The following G3BP2 variants were observed in gnomAD, a reference collection of about 807,000 sequenced individuals.
The protein encoded by G3BP2 is ras GTPase-activating protein-binding protein 2.
Under a neutral mutation model 56.7 loss-of-function variants are expected in G3BP2, and 11 were observed. The observed-to-expected ratio is 0.19, with a 90% confidence interval of 0.12 to 0.32. The LOEUF (loss-of-function observed/expected upper bound fraction) is 0.32, where lower values mean the gene tolerates loss of function less well. Among genes scored for constraint, G3BP2 ranks in the 10% least tolerant of loss-of-function variants. The pLI is 1.00. For missense variants in G3BP2, 340 were observed against 610.9 expected (o/e 0.56, Z 4.67); for synonymous variants, 165 against 191.6 (o/e 0.86, Z 1.15).
intron 3 of G3BP2, among the ~76,000 whole-genome samples, chr4:75,693,867 G>A (rs1296636033): frequency 1.3e-5 from 2 of 149,438 alleles, no homozygotes; most frequent in Non-Finnish European, 3.0e-5. Flanking sequence ...CCCAAGTAAC[G>A]AGGCCCACAA....
chr4:75,663,964 C>T (rs1732780493), intron 1 of G3BP2, among the ~76,000 whole-genome samples: 1 of 36,178 alleles, frequency 2.8e-5, no homozygotes. Flanking sequence ...TGGCTCACTG[C>T]AACCTCTGCC....
chr4:75,694,769 C>A (rs1204106419), intron 3 of G3BP2: 17 of 986,568 alleles, frequency 1.7e-5, no homozygotes, highest in Admixed American at 6.1e-5. Flanking sequence ...AACAAACAAA[C>A]AAAAAACCAC....
chr4:75,693,446 T>C (rs1718955410), intron 3 of G3BP2, among the ~76,000 whole-genome samples: 1 of 151,938 alleles, frequency 6.6e-6, no homozygotes, highest in South Asian at 2.1e-4. Flanking sequence ...CTTCACTGTA[T>C]TGACTGGCCA....
intron 8 of G3BP2, among the ~76,000 whole-genome samples, chr4:75,653,602 A>C (rs1460172014): frequency 1.3e-5 from 2 of 150,504 alleles, no homozygotes; most frequent in Non-Finnish European, 3.0e-5. Context: ...AAAAAAAAAA[A>C]AAAACAAAAA....
At chr4:75,657,529 T>C (rs1459773321) in intron 4 of G3BP2, 28 bp downstream of exon 4, 1 of 1,555,386 alleles carries the variant, frequency 6.4e-7, no homozygotes, top group Admixed American at 1.9e-5. Context: ...ACCATATAAA[T>C]GAAAACTAAG....
intron 7 of G3BP2, among the ~76,000 whole-genome samples, chr4:75,654,568 TA>T (rs1731942752): frequency 6.6e-6 from 1 of 152,224 alleles, no homozygotes; most frequent in Non-Finnish European, 1.5e-5. Flanking sequence ...TGAAGAAAGA[TA>T]AAAGAAGTTT....
At chr4:75,655,984 T>A (rs953793000) in intron 5 of G3BP2, 114 bp from the exon 6 acceptor site, 5 of 621,828 alleles carry the variant, frequency 8.0e-6, no homozygotes, top group Non-Finnish European at 1.1e-5. Flanking sequence ...AATTTGACAA[T>A]TTTCTTTCCT....
chr4:75,719,667 T>C (rs1720070327), intron 3 of G3BP2, among the ~76,000 whole-genome samples: 1 of 152,064 alleles, frequency 6.6e-6, no homozygotes, highest in South Asian at 2.1e-4. Context: ...CCTGGCTCAC[T>C]GCAACCTCCG....
At chr4:75,714,285 C>T (rs1719853529) in intron 3 of G3BP2, among the ~76,000 whole-genome samples, 1 of 152,164 alleles carries the variant, frequency 6.6e-6, no homozygotes, top group African/African-American at 2.4e-5. Flanking sequence ...TGACATCATG[C>T]CTACAAATTC....
chr4:75,708,071 G>T (rs903155161), intron 3 of G3BP2, among the ~76,000 whole-genome samples: 2 of 152,148 alleles, frequency 1.3e-5, no homozygotes, highest in Admixed American at 6.5e-5. Context: ...GTTGCCCTCT[G>T]CTAGAGGGAT....
chr4:75,672,737 G>C (rs945960623), intron 1 of G3BP2: 2 of 152,368 alleles, frequency 1.3e-5, no homozygotes, highest in African/African-American at 2.4e-5. Flanking sequence ...GCGGGGTGGC[G>C]ACGGCCTCTC....
chr4:75,699,341 C>T (rs769345601), intron 3 of G3BP2, among the ~76,000 whole-genome samples: 2 of 152,210 alleles, frequency 1.3e-5, no homozygotes, highest in Non-Finnish European at 2.9e-5. Flanking sequence ...CTCTTCTATC[C>T]TTTTTGAACC....
chr4:75,691,941 T>G (rs1718875716), intron 3 of G3BP2, among the ~76,000 whole-genome samples: 1 of 152,212 alleles, frequency 6.6e-6, no homozygotes, highest in Non-Finnish European at 1.5e-5. Context: ...TTTAGTGATT[T>G]TCCCAAAGAA....
chr4:75,714,938 T>C, intron 3 of G3BP2, among the ~76,000 whole-genome samples: 1 of 152,106 alleles, frequency 6.6e-6, no homozygotes, highest in African/African-American at 2.4e-5. Flanking sequence ...ACTGCCTACC[T>C]CCTAATTTAT....
chr4:75,645,135 C>T lies in G3BP2; in HGVS notation c.*295G>A, dbSNP rs1049585941. The T allele has an allele frequency of 9.2e-6, 3 of 327,056 alleles. No individual in the cohort carries two copies. Among genetic ancestry groups the T allele is most frequent in the African/African-American group, 6.5e-5 (3 of 46,444 alleles). The allele number at this position is 327,056 out of a possible 1,614,324, so 20.3% of individuals were successfully genotyped here. A position where few individuals can be genotyped will look rare whatever the true frequency, so the allele number is the denominator to read the frequency against. On this transcript the variant is annotated 3_prime_UTR_variant, in exon 12 of 12. Coordinates refer to ENST00000359707, the MANE Select transcript of G3BP2 (RefSeq NM_203505.3). ...GAAGATTTTTTTTTTACTCAAAGGA[C>T]CTGAATTCAGTGGGCATGTCCTTTT...
intron 3 of G3BP2, among the ~76,000 whole-genome samples, chr4:75,688,070 G>A (rs764360717): frequency 6.6e-6 from 1 of 152,142 alleles, no homozygotes; most frequent in Non-Finnish European, 1.5e-5. Flanking sequence ...TACTGCCACT[G>A]GACTCTCTCC....
chr4:75,689,867 C>T (rs1718777749), intron 3 of G3BP2, among the ~76,000 whole-genome samples: 1 of 152,080 alleles, frequency 6.6e-6, no homozygotes, highest in South Asian at 2.1e-4. Context: ...ATATATTTTA[C>T]AAGTATATGG....
upstream of G3BP2, among the ~76,000 whole-genome samples, chr4:75,677,917 C>A (rs751140633): frequency 6.6e-6 from 1 of 152,168 alleles, no homozygotes; most frequent in Non-Finnish European, 1.5e-5. Context: ...GAGGGCCTCA[C>A]CTTCATGAAT....
At chr4:75,687,659 A>G (rs777367686) in intron 3 of G3BP2, among the ~76,000 whole-genome samples, 1 of 152,248 alleles carries the variant, frequency 6.6e-6, no homozygotes, top group Non-Finnish European at 1.5e-5. Context: ...AGGGCTAAAC[A>G]TCATTGCTAA....
Sources: allele counts gnomAD v4.1 joint callset (sites outside exome capture counted in the v4.1 genomes callset), GRCh38; gene constraint gnomAD v4.1.1; transcripts MANE v1.5; gene names NCBI Gene and HGNC (gene_info 2026-07-23, HGNC 2026-07-21).